DNAJC24: variants seen among roughly 807,000 people sequenced by gnomAD.
DNAJC24 encodes dnaJ homolog subfamily C member 24.
In DNAJC24, 17 loss-of-function variants were observed where a neutral mutation model predicts 18.0. The observed-to-expected ratio is 0.94, with a 90% CI of 0.65 to 1.42. DNAJC24 has a LOEUF of 1.42. Ranked by LOEUF, DNAJC24 falls within the 40% of genes most tolerant of loss-of-function variation. The pLI is 0.00. For missense variants in DNAJC24, 158 were observed against 175.6 expected, an observed-to-expected ratio of 0.90 and a Z score of 0.57; for synonymous variants, 55 against 57.7, an observed-to-expected ratio of 0.95 and a Z score of 0.21.
In DNAJC24 at chr11:31,426,284, C is replaced by T. The variant is rs1437330319; in HGVS notation, c.251-3C>T. On this transcript the variant is annotated splice_polypyrimidine_tract_variant and splice_region_variant and intron_variant, in intron 3 of 4. Coordinates refer to ENST00000465995, the MANE Select transcript of DNAJC24 (RefSeq NM_181706.5). The stretch of plus-strand genomic sequence containing the variant: ...ATTAAGTGTCATGTTTTATGTTTTA[C>T]AGAAGATGATCTAAGAAATGTAGGA... 2.2e-5 allele frequency: 34 copies of T among 1,520,060 alleles called. No individual in the cohort carries two copies. The highest frequency in any genetic ancestry group is 3.0e-5 in the Non-Finnish European group (34 of 1,117,200). The allele number at this position is 1,520,060 out of a possible 1,614,324, so 94.2% of individuals were successfully genotyped here.
chr11:31,385,534 T>A (rs1031753768), intron 2 of DNAJC24, among the ~76,000 whole-genome samples: 2 of 152,254 alleles, frequency 1.3e-5, no homozygotes, highest in Non-Finnish European at 1.5e-5. Context: ...TCCCACCATA[T>A]GATTGACTCC....
chr11:31,412,534 C>G (rs1488306469), intron 2 of DNAJC24, among the ~76,000 whole-genome samples: 1 of 152,256 alleles, frequency 6.6e-6, no homozygotes, highest in South Asian at 2.1e-4. Flanking sequence ...GCAGCCAACT[C>G]CACTTTGGCT....
chr11:31,419,644 G>A (rs2133501059), intron 3 of DNAJC24, among the ~76,000 whole-genome samples: 1 of 151,994 alleles, frequency 6.6e-6, no homozygotes, highest in East Asian at 1.9e-4. Flanking sequence ...AAGATTTTAG[G>A]AAGTTTTTTT....
chr11:31,410,922 C>A (rs962429135), intron 2 of DNAJC24, among the ~76,000 whole-genome samples: 1 of 152,120 alleles, frequency 6.6e-6, no homozygotes, highest in African/African-American at 2.4e-5. Flanking sequence ...TGTCCATTTT[C>A]CCTAAACTGA....
At chr11:31,401,145 A>T (rs1227815586) in intron 2 of DNAJC24, among the ~76,000 whole-genome samples, 3 of 152,260 alleles carry the variant, frequency 2.0e-5, no homozygotes, top group Non-Finnish European at 4.4e-5. Flanking sequence ...ATCACTGGTC[A>T]TTAGTGAAAT....
At chr11:31,400,129 T>C (rs981978189) in intron 2 of DNAJC24, among the ~76,000 whole-genome samples, 1 of 152,214 alleles carries the variant, frequency 6.6e-6, no homozygotes, top group Non-Finnish European at 1.5e-5. Flanking sequence ...CCATGGTGTA[T>C]ATATGCCACA....
intron 2 of DNAJC24, chr11:31,384,809 A>G (rs1023417565): frequency 6.6e-6 from 1 of 152,198 alleles, no homozygotes; most frequent in African/African-American, 2.4e-5. Context: ...GCTAGTCTGA[A>G]GATATGTTTT....
chr11:31,401,537 C>A (rs559689959), intron 2 of DNAJC24, among the ~76,000 whole-genome samples: 2 of 152,028 alleles, frequency 1.3e-5, no homozygotes, highest in South Asian at 2.1e-4. Flanking sequence ...TCCCCTCCGC[C>A]CCCCCACTTC....
chr11:31,384,101 T>C (rs952139118), intron 2 of DNAJC24, among the ~76,000 whole-genome samples: 9 of 152,248 alleles, frequency 5.9e-5, no homozygotes, highest in African/African-American at 2.2e-4. Flanking sequence ...TATTTCATCT[T>C]CATTTTGTAG....
intron 2 of DNAJC24, among the ~76,000 whole-genome samples, chr11:31,414,402 G>T (rs1443370138): frequency 6.6e-6 from 1 of 152,108 alleles, no homozygotes; most frequent in Admixed American, 6.6e-5. Flanking sequence ...ATTTTATAAT[G>T]CTGTCTATAG....
chr11:31,370,306 G>A (rs1952205782), intron 1 of DNAJC24, among the ~76,000 whole-genome samples: 1 of 152,000 alleles, frequency 6.6e-6, no homozygotes, highest in Non-Finnish European at 1.5e-5. Flanking sequence ...ATTCTTTGAT[G>A]TTCTGTTTTG....
chr11:31,377,426 A>G (rs1325569718), intron 2 of DNAJC24, among the ~76,000 whole-genome samples: 1 of 152,102 alleles, frequency 6.6e-6, no homozygotes, highest in Non-Finnish European at 1.5e-5. Flanking sequence ...TACCATACAT[A>G]TTACATATTA....
At chr11:31,373,391 A>G (rs1448852463) in intron 2 of DNAJC24, among the ~76,000 whole-genome samples, 1 of 133,742 alleles carries the variant, frequency 7.5e-6, no homozygotes, top group African/African-American at 2.5e-5. Flanking sequence ...ATTTGTTGAA[A>G]ATTTTTTTCT....
At chr11:31,373,447 C>T (rs1365082611) in intron 2 of DNAJC24, among the ~76,000 whole-genome samples, 2 of 134,894 alleles carry the variant, frequency 1.5e-5, no homozygotes, top group African/African-American at 5.0e-5. Flanking sequence ...GGACTCTATT[C>T]TGTTTTATAT....
intron 2 of DNAJC24, among the ~76,000 whole-genome samples, chr11:31,382,886 T>C (rs1591901346): frequency 6.6e-6 from 1 of 152,356 alleles, no homozygotes; most frequent in Middle Eastern, 3.4e-3. Flanking sequence ...GGTTGTGATA[T>C]GTGCCTCTGA....
chr11:31,388,399 C>G (rs1490190811), intron 2 of DNAJC24, among the ~76,000 whole-genome samples: 1 of 152,118 alleles, frequency 6.6e-6, no homozygotes, highest in Admixed American at 6.5e-5. Context: ...TGCAAAGGAG[C>G]TCTAATGTGT....
intron 2 of DNAJC24, among the ~76,000 whole-genome samples, chr11:31,387,441 G>A (rs1418302140): frequency 1.3e-5 from 2 of 152,140 alleles, no homozygotes; most frequent in Non-Finnish European, 2.9e-5. Context: ...TAAGGGAAGA[G>A]TACAAGAGCC....
chr11:31,402,043 T>G (rs947263755), intron 2 of DNAJC24, among the ~76,000 whole-genome samples: 7 of 152,216 alleles, frequency 4.6e-5, no homozygotes, highest in Non-Finnish European at 1.0e-4. Context: ...GAGAAATGTG[T>G]TGTTAGGCAA....
intron 2 of DNAJC24, among the ~76,000 whole-genome samples, chr11:31,414,117 T>C (rs1175343392): frequency 6.6e-6 from 1 of 152,198 alleles, no homozygotes; most frequent in Non-Finnish European, 1.5e-5. Flanking sequence ...AATAAATTAC[T>C]GCATATTGAA....
Sources: allele counts gnomAD v4.1 joint callset (sites outside exome capture counted in the v4.1 genomes callset), GRCh38; gene constraint gnomAD v4.1.1; transcripts MANE v1.5; gene names NCBI Gene and HGNC (gene_info 2026-07-23, HGNC 2026-07-21).